The following TEX9 variants were observed in gnomAD, a reference collection of about 807,000 sequenced individuals.
TEX9 encodes testis expressed 9.
TEX9 carries 74 observed loss-of-function variants against 59.6 expected under a neutral mutation model. The ratio of observed to expected loss-of-function variants is 1.24; its 90% CI spans 1.03 to 1.51. TEX9 has a LOEUF of 1.51. TEX9 is among the 40% of genes most tolerant of loss of function. TEX9 has a pLI of 0.00. For synonymous variants in TEX9, 186 were observed against 152.2 expected (o/e 1.22, Z -1.64); for missense variants, 522 against 447.8 (o/e 1.17, Z -1.49).
rs571772444 is a variant in TEX9 at position 56,251,848 on chromosome 15, A to G, written c.-107+7570A>G. 7.7e-4 allele frequency among the ~76,000 whole-genome samples: 118 copies of G among 152,280 alleles called. 1 individual carries two copies. The highest frequency in any genetic ancestry group is 2.7e-3 in the African/African-American group (112 of 41,558). ...GGAAATTCAGGATAACCACCCAGAAATCCAGGAACAGACATACAAGCGACG... is the reference window on the plus strand; with the variant it reads ...GGAAATTCAGGATAACCACCCAGAAGTCCAGGAACAGACATACAAGCGACG... On this transcript the variant is annotated intron_variant, in intron 1 of 5. Transcript: ENST00000560827.
At chr15:56,362,839 T>G (rs1360196001), upstream of TEX9, among the ~76,000 whole-genome samples, 2 of 152,216 alleles carry the variant, frequency 1.3e-5, no homozygotes, top group African/African-American at 4.8e-5. Flanking sequence ...GTGAAAGAAA[T>G]TAGATAATAC....
At chr15:56,309,693 GTTTTTTTTTTTTTTT>G (rs60648387) in intron 1 of TEX9, among the ~76,000 whole-genome samples, 8 of 60,772 alleles carry the variant, frequency 1.3e-4, no homozygotes, top group Admixed American at 4.5e-4. Context: ...TTTATGGGAA[GTTTTTTTTTTTTTTT>G]TTTTTTTTTT....
intron 1 of TEX9, among the ~76,000 whole-genome samples, chr15:56,278,725 T>C (rs1368157094): frequency 6.6e-6 from 1 of 152,096 alleles, no homozygotes; most frequent in African/African-American, 2.4e-5. Flanking sequence ...AAATATCTCA[T>C]GAGGAAAGTT....
chr15:56,437,652 A>G (rs182415016), intron 12 of TEX9, among the ~76,000 whole-genome samples: 225 of 152,320 alleles, frequency 1.5e-3, no homozygotes, highest in Non-Finnish European at 1.5e-3. Flanking sequence ...AGGGTATTCA[A>G]TTAGGAAAAG....
intron 1 of TEX9, among the ~76,000 whole-genome samples, chr15:56,304,110 T>C (rs1480601639): frequency 6.6e-6 from 1 of 152,126 alleles, no homozygotes; most frequent in African/African-American, 2.4e-5. Context: ...TTCTAGAAAA[T>C]AGAAGGAGAG....
rs1417897362 is a variant in TEX9 at position 56,319,560 on chromosome 15, T to C, written c.-106-53881T>C. 2.6e-5 allele frequency among the ~76,000 whole-genome samples: 4 copies of C among 152,180 alleles called. 1 individual carries two copies. The South Asian group carries it at 8.3e-4, about 32-fold the overall frequency. On this transcript the variant is annotated intron_variant, in intron 1 of 5. Coordinates refer to the TEX9 transcript ENST00000560827. ...GTGTTTGCTTTTGCTGTTCCTCAGA[T>C]TTGCATGTTGATTTCAGTTTTAATG...
intron 7 of TEX9, 59 bp from the exon 8 acceptor site, chr15:56,394,106 C>G (rs993339847): frequency 2.0e-6 from 3 of 1,469,504 alleles, no homozygotes; most frequent in Admixed American, 1.9e-5. Flanking sequence ...GTCTGTCTTA[C>G]AATTGATGTC....
At chr15:56,288,761 A>G (rs2045012699) in intron 1 of TEX9, among the ~76,000 whole-genome samples, 1 of 152,056 alleles carries the variant, frequency 6.6e-6, no homozygotes, top group South Asian at 2.1e-4. Context: ...ACTTTTCCAT[A>G]CCTGCATATG....
At chr15:56,373,476 A>T in exon 3 of TEX9, 1 of 1,581,332 alleles carries the variant, frequency 6.3e-7, no homozygotes, top group South Asian at 1.2e-5. Flanking sequence ...AAAACAGCTG[A>T]CGTGGTTCAA....
At chr15:56,324,067 T>C (rs1338765634) in intron 1 of TEX9, among the ~76,000 whole-genome samples, 1 of 152,160 alleles carries the variant, frequency 6.6e-6, no homozygotes. Flanking sequence ...CGAAAGCAGG[T>C]TCTTATTGGT....
chr15:56,413,597 C>T (rs543602683), intron 10 of TEX9, among the ~76,000 whole-genome samples: 25 of 151,614 alleles, frequency 1.6e-4, no homozygotes, highest in Admixed American at 1.5e-3. Flanking sequence ...TACTTTCTGT[C>T]TCTATAAATT....
chr15:56,373,677 A>G (rs897544423), intron 3 of TEX9, among the ~76,000 whole-genome samples, 173 bp downstream of exon 3: 2 of 152,188 alleles, frequency 1.3e-5, no homozygotes, highest in Admixed American at 6.6e-5. Flanking sequence ...GTATATATGT[A>G]TATGTTTTTA....
chr15:56,388,784 T>C (rs2048075015), intron 5 of TEX9, among the ~76,000 whole-genome samples: 1 of 152,020 alleles, frequency 6.6e-6, no homozygotes, highest in Non-Finnish European at 1.5e-5. Context: ...CTTATTTTTT[T>C]TTCCTGACGC....
chr15:56,414,604 T>C (rs759205361), intron 10 of TEX9, among the ~76,000 whole-genome samples: 3 of 151,890 alleles, frequency 2.0e-5, no homozygotes, highest in Non-Finnish European at 4.4e-5. Context: ...TAGTATTCCA[T>C]GGTGTATACG....
downstream of TEX9, among the ~76,000 whole-genome samples, chr15:56,449,336 A>G (rs1232259159): frequency 6.9e-6 from 1 of 144,844 alleles, no homozygotes; most frequent in Non-Finnish European, 1.5e-5. Context: ...TTATTAAATC[A>G]TAGAGTGATG....
At chr15:56,365,043 A>G (rs2141939791), upstream of TEX9, among the ~76,000 whole-genome samples, 1 of 152,328 alleles carries the variant, frequency 6.6e-6, no homozygotes, top group South Asian at 2.1e-4. Context: ...TTAGAAATCA[A>G]AACTTCTGAA....
At chr15:56,320,060 C>T (rs902726582) in intron 1 of TEX9, among the ~76,000 whole-genome samples, 2 of 152,170 alleles carry the variant, frequency 1.3e-5, no homozygotes, top group Non-Finnish European at 2.9e-5. Context: ...TCCCCTGGGC[C>T]CTGTATCTGA....
chr15:56,256,155 AT>A (rs1437677677), intron 1 of TEX9, among the ~76,000 whole-genome samples: 3 of 152,104 alleles, frequency 2.0e-5, no homozygotes, highest in Admixed American at 1.3e-4. Context: ...TACAACCAGC[AT>A]TATGCTAAGT....
At chr15:56,365,300 G>T, upstream of TEX9, 2 of 1,058,012 alleles carry the variant, frequency 1.9e-6, no homozygotes, top group Non-Finnish European at 2.7e-6. Flanking sequence ...TGCGAGCAAA[G>T]GCCGAGCCCG....
Sources: gnomAD v4.1 joint callset for allele counts (sites outside exome capture counted in the v4.1 genomes callset) on GRCh38, gnomAD v4.1.1 for gene constraint, MANE v1.5 for transcripts, NCBI Gene and HGNC (gene_info 2026-07-23, HGNC 2026-07-21) for gene names.